Variants in CBLL1 observed in about 807,000 individuals in gnomAD.
CBLL1 encodes the protein E3 ubiquitin-protein ligase Hakai.
CBLL1 carries 4 observed loss-of-function variants against 44.9 expected under a neutral mutation model. The observed-to-expected ratio is 0.09, with a 90% CI of 0.04 to 0.20. The LOEUF is 0.20. Among genes scored for constraint, CBLL1 ranks in the 10% least tolerant of loss-of-function variants. CBLL1 has a pLI of 1.00. For missense variants in CBLL1, 569 were observed against 636.7 expected (o/e 0.89, Z 1.14); for synonymous variants, 235 against 202.2 (o/e 1.16, Z -1.38).
At chr7:107,754,704 A>G (rs1254805578) in intron 4 of CBLL1, among the ~76,000 whole-genome samples, 1 of 152,150 alleles carries the variant, frequency 6.6e-6, no homozygotes, top group African/African-American at 2.4e-5. Flanking sequence ...ACTTGAAACT[A>G]CCAGAGGAAG....
In CBLL1 at chr7:107,758,602, C is replaced by G; in HGVS notation, c.900C>G (p.Asp300Glu). 3 of 1,614,024 alleles carry G rather than the reference C, an allele frequency of 1.9e-6. No individual in the cohort carries two copies. The highest frequency in any genetic ancestry group is 2.5e-6 in the Non-Finnish European group (3 of 1,179,998). ...TAATAACCGTCCCTATTCAGGATGA[C>G]TCAAATTCAGGTGCTAGAGAACCAC... is the stretch of plus-strand genomic sequence containing the variant. ...SNLITVPIQD[D>E]SNSGAREPPP... Residue 300 changes from aspartate (D) to glutamate (E), a missense_variant, in exon 6 of 6, where the codon GAC (aspartate) becomes GAG (glutamate). By Grantham distance (45) the Asp-to-Glu change is conservative. Around this residue, in one of 5 missense-constraint regions of CBLL1, gnomAD observed 228 missense variants for 253.2 expected, o/e 0.90. Transcript: ENST00000440859. This position sits in a 1 kb window ranked among gnomAD's most constrained non-coding sequence, Gnocchi z 4.2.
intron 2 of CBLL1, among the ~76,000 whole-genome samples, chr7:107,750,328 CAG>C (rs554240297): frequency 6.6e-4 from 100 of 150,504 alleles, no homozygotes; most frequent in African/African-American, 2.3e-3. Flanking sequence ...TTTTTTGAGA[CAG>C]AGTCTTGCGC....
chr7:107,749,123 A>G, intron 2 of CBLL1, 76 bp downstream of exon 2: 1 of 1,321,246 alleles, frequency 7.6e-7, no homozygotes, highest in Non-Finnish European at 1.0e-6. Context: ...GTGATCTTAT[A>G]GCTACCTCTT....
intron 4 of CBLL1, among the ~76,000 whole-genome samples, chr7:107,754,559 G>A (rs1055872459): frequency 6.6e-6 from 1 of 152,012 alleles, no homozygotes; most frequent in African/African-American, 2.4e-5. Flanking sequence ...GATGGTAGAT[G>A]GCATGGATTA....
chr7:107,758,270 C>T lies in CBLL1; in HGVS notation c.568C>T (p.His190Tyr). 1 of 1,614,066 alleles carries T rather than the reference C, an allele frequency of 6.2e-7. No individual in the cohort carries two copies. The highest frequency in any genetic ancestry group is 8.5e-7 in the Non-Finnish European group (1 of 1,179,998). Residue 190 changes from histidine to tyrosine, a missense_variant, in exon 6 of 6, where the codon CAT becomes TAT. This residue lies in a region of CBLL1 where 16 missense variants were observed against 40.2 expected (regional missense o/e 0.40). Transcript: ENST00000440859. This position sits in a 1 kb window ranked among gnomAD's most constrained non-coding sequence, Gnocchi z 4.2. ...CTTACAGGCTCATATCAACCATCGC[C>T]ATATGAGAGCTGGAAAACCTGTTAC... ...RDLQAHINHRHMRAGKPVTRA... is the reference protein window; with the variant it reads ...RDLQAHINHRYMRAGKPVTRA...
chr7:107,744,238 T>G (rs1584366027), intron 1 of CBLL1, 62 bp downstream of exon 1: 1 of 1,495,962 alleles, frequency 6.7e-7, no homozygotes, highest in South Asian at 1.3e-5. Flanking sequence ...CTGGGGCTGG[T>G]CGCACAGCAG....
Position 107,758,204 on chromosome 7 carries a change from A to G in CBLL1, c.502A>G (p.Ile168Val), listed in dbSNP as rs1268745728. 6.2e-7 allele frequency: 1 copy of G among 1,614,028 alleles called. No individual in the cohort carries two copies. The highest frequency in any genetic ancestry group is 8.5e-7 in the Non-Finnish European group (1 of 1,180,024). The change falls in exon 6 of 6, where the codon ATT (isoleucine) becomes GTT (valine). Residue 168 changes from isoleucine to valine, a missense_variant. Physicochemically the swap from Ile to Val is conservative, Grantham distance 29. This residue lies in a region of CBLL1 where 16 missense variants were observed against 40.2 expected (regional missense o/e 0.40). Transcript: ENST00000440859. The surrounding 1 kb of genome is among the most constrained non-coding windows in gnomAD (Gnocchi z 4.2). ...CTRGSLFMCS[I>V]VQGCKRTYLS... is the part of the protein sequence containing the mutation. ...ACGAGGTTCTCTCTTCATGTGTAGCATTGTTCAAGGGTGCAAGAGAACATA... is the reference window on the plus strand; with the variant it reads ...ACGAGGTTCTCTCTTCATGTGTAGCGTTGTTCAAGGGTGCAAGAGAACATA...
At position 107,760,903 on chromosome 7, in the gene CBLL1, TTTTTG is replaced by T. The variant is rs3214122; in HGVS notation, c.*1730_*1734del. On this transcript the variant is annotated 3_prime_UTR_variant, in exon 6 of 6. Coordinates refer to ENST00000440859, the MANE Select transcript of CBLL1 (RefSeq NM_024814.4). ...ACTGGCCAAAAATAACTAATAAACT[TTTTTG>T]TTTTAAGTCAGGCAAGTGATTTTCT... is the stretch of plus-strand genomic sequence containing the variant. 33,150 of 151,898 alleles carry T rather than the reference TTTTTG, an allele frequency of 0.22. 4,501 individuals are homozygous for T. Among genetic ancestry groups the T allele is most frequent in the South Asian group, 0.44 (2,129 of 4,810 alleles). The allele number at this position is 151,898 out of a possible 1,614,324, so 9.4% of individuals were successfully genotyped here.
chr7:107,759,412 G>T lies in CBLL1; in HGVS notation c.*234G>T, dbSNP rs1793676153. The T allele has an allele frequency of 5.2e-6, 2 of 388,068 alleles. No homozygotes were observed. The highest frequency in any genetic ancestry group is 9.2e-6 in the Non-Finnish European group (2 of 217,516). The allele number at this position is 388,068 out of a possible 1,614,324, so 24.0% of individuals were successfully genotyped here. On this transcript the variant is annotated 3_prime_UTR_variant, in exon 6 of 6. Coordinates refer to ENST00000440859, the MANE Select transcript of CBLL1 (RefSeq NM_024814.4). ...CACAGCTATATTTTAACATCTCTTT[G>T]TTCCCCTAGTTTAGTAAATTGACCC...
intron 4 of CBLL1, 74 bp downstream of exon 4, chr7:107,754,052 T>A: frequency 1.1e-6 from 1 of 880,036 alleles, no homozygotes; most frequent in East Asian, 2.8e-5. Context: ...TAGATAGGTT[T>A]ATCATTGTTT....
intron 4 of CBLL1, among the ~76,000 whole-genome samples, chr7:107,755,128 A>G (rs1793469715): frequency 6.6e-6 from 1 of 152,156 alleles, no homozygotes; most frequent in Non-Finnish European, 1.5e-5. Flanking sequence ...CTTAAAAAAA[A>G]GGAAAAAAAC....
intron 3 of CBLL1, 131 bp from the exon 4 acceptor site, chr7:107,753,764 T>C (rs1005764348): frequency 1.1e-5 from 6 of 550,964 alleles, no homozygotes; most frequent in Non-Finnish European, 1.8e-5. Context: ...GGGGAATAAA[T>C]GGAGATTATA....
intron 1 of CBLL1, among the ~76,000 whole-genome samples, chr7:107,746,962 T>C (rs1793052473): frequency 6.6e-6 from 1 of 152,206 alleles, no homozygotes; most frequent in Non-Finnish European, 1.5e-5. Flanking sequence ...GATATGGAAG[T>C]GTTGTGCCTT....
intron 4 of CBLL1, among the ~76,000 whole-genome samples, chr7:107,754,658 C>T (rs1054226425): frequency 4.6e-5 from 7 of 152,040 alleles, no homozygotes; most frequent in Non-Finnish European, 8.8e-5. Context: ...TTAATGTATC[C>T]TTCTGATTGA....
intron 2 of CBLL1, among the ~76,000 whole-genome samples, chr7:107,753,190 A>G (rs1398184193): frequency 6.6e-6 from 1 of 152,192 alleles, no homozygotes; most frequent in Admixed American, 6.5e-5. Flanking sequence ...GAGTCTCCAT[A>G]CAGTAATATT....
Position 107,758,353 on chromosome 7 carries a change from T to C in CBLL1, c.651T>C (p.Pro217=). 1 of 1,614,084 alleles carries C rather than the reference T, an allele frequency of 6.2e-7. No homozygotes were observed. Among genetic ancestry groups the C allele is most frequent in the Non-Finnish European group, 8.5e-7 (1 of 1,180,014 alleles). The change falls in exon 6 of 6, where the codon CCT becomes CCC. Residue 217 remains proline (P), a synonymous_variant. Coordinates refer to ENST00000440859, the MANE Select transcript of CBLL1 (RefSeq NM_024814.4). The surrounding 1 kb of genome is among the most constrained non-coding windows in gnomAD (Gnocchi z 4.2). ...TTGCCCCACCACCAACTGAAATCCCTGAGCGTTTTATAATGCCACCAGACA... is the reference window on the plus strand; with the variant it reads ...TTGCCCCACCACCAACTGAAATCCCCGAGCGTTTTATAATGCCACCAGACA... ...PPIAPPPTEI[P]ERFIMPPDKH...
At position 107,758,227 on chromosome 7, in the gene CBLL1, A is replaced by C. The variant is rs774923870; in HGVS notation, c.525A>C (p.Thr175=). Residue 175 remains threonine, a synonymous_variant, in exon 6 of 6, where the codon ACA becomes ACC. Coordinates refer to ENST00000440859, the MANE Select transcript of CBLL1 (RefSeq NM_024814.4). The surrounding 1 kb of genome is among the most constrained non-coding windows in gnomAD (Gnocchi z 4.2). ...MCSIVQGCKR[T]YLSQRDLQAH... ...GCATTGTTCAAGGGTGCAAGAGAAC[A>C]TATTTGTCTCAGAGAGACTTACAGG... 2.5e-6 allele frequency: 4 copies of C among 1,614,156 alleles called. No homozygotes were observed. The highest frequency in any genetic ancestry group is 3.4e-6 in the Non-Finnish European group (4 of 1,180,022).
At chr7:107,750,870 A>G (rs1793255432) in intron 2 of CBLL1, among the ~76,000 whole-genome samples, 1 of 49,866 alleles carries the variant, frequency 2.0e-5, no homozygotes, top group Non-Finnish European at 4.7e-5. Flanking sequence ...GATTGAGACC[A>G]TATGGTCCAC....
intron 1 of CBLL1, among the ~76,000 whole-genome samples, chr7:107,746,037 G>A (rs542817480): frequency 6.6e-6 from 1 of 152,264 alleles, no homozygotes; most frequent in Admixed American, 6.5e-5. Flanking sequence ...ACTTAAGAAG[G>A]GTGTGTTCAG....
Sources: gnomAD v4.1 joint callset for allele counts (sites outside exome capture counted in the v4.1 genomes callset) on GRCh38, gnomAD v4.1.1 for gene constraint, gnomAD v4.1.1 regional missense constraint, Gnocchi (gnomAD v3.1) non-coding constraint, MANE v1.5 for transcripts, NCBI Gene and HGNC (gene_info 2026-07-23, HGNC 2026-07-21) for gene names.